PDZRN4: variants seen among roughly 807,000 people sequenced by gnomAD.
PDZRN4 encodes the protein PDZ domain-containing RING finger protein 4.
Under a neutral mutation model 99.0 loss-of-function variants are expected in PDZRN4, and 70 were observed. That is an observed-to-expected ratio of 0.71 (90% CI 0.58 to 0.86). The LOEUF (loss-of-function observed/expected upper bound fraction) is 0.86, where lower values mean the gene tolerates loss of function less well. PDZRN4 is among the 40% of genes least tolerant of loss of function. PDZRN4 has a pLI of 0.00. For synonymous variants in PDZRN4, 551 were observed against 501.6 expected (o/e 1.10, Z -1.32); for missense variants, 1,474 against 1,331.2 (o/e 1.11, Z -1.67).
chr12:41,422,231 C>T (rs1484978017), intron 3 of PDZRN4, among the ~76,000 whole-genome samples: 1 of 152,120 alleles, frequency 6.6e-6, no homozygotes, highest in Non-Finnish European at 1.5e-5. Context: ...TCAATGCACA[C>T]ATAACTTATC....
At chr12:41,354,766 C>A (rs1951914707) in intron 3 of PDZRN4, among the ~76,000 whole-genome samples, 1 of 151,952 alleles carries the variant, frequency 6.6e-6, no homozygotes, top group South Asian at 2.1e-4. Flanking sequence ...AGTTTTAACC[C>A]CATTCAATTA....
At chr12:41,384,747 C>T (rs1455059089) in intron 3 of PDZRN4, among the ~76,000 whole-genome samples, 2 of 152,114 alleles carry the variant, frequency 1.3e-5, no homozygotes, top group Non-Finnish European at 1.5e-5. Flanking sequence ...TGGAATCATG[C>T]ATCTCCTATT....
In PDZRN4 at chr12:41,467,041, G is replaced by A. The variant is rs76230871; in HGVS notation, c.844-39415G>A. On this transcript the variant is annotated intron_variant, in intron 3 of 9. Coordinates refer to ENST00000402685, the MANE Select transcript of PDZRN4 (RefSeq NM_001164595.2). ...CTGGGGTTTGGGAATGGAATGATAAGGAACACAATGAATAACTAACAAAGC... is the reference window on the plus strand; with the variant it reads ...CTGGGGTTTGGGAATGGAATGATAAAGAACACAATGAATAACTAACAAAGC... 9.3e-3 allele frequency among the ~76,000 whole-genome samples: 1,415 copies of A among 152,338 alleles called. 20 individuals are homozygous for A. The highest frequency in any genetic ancestry group is 0.031 in the African/African-American group (1,276 of 41,578).
intron 3 of PDZRN4, among the ~76,000 whole-genome samples, chr12:41,311,656 C>T (rs1346076535): frequency 2.0e-5 from 3 of 152,122 alleles, no homozygotes; most frequent in Non-Finnish European, 2.9e-5. Context: ...CATACAATGT[C>T]AAACTTCAGT....
intron 9 of PDZRN4, among the ~76,000 whole-genome samples, chr12:41,569,626 C>G: frequency 6.6e-6 from 1 of 152,180 alleles, no homozygotes. Flanking sequence ...TAGAAACTTG[C>G]AGCACAAACA....
intron 3 of PDZRN4, among the ~76,000 whole-genome samples, chr12:41,242,602 G>A (rs1014466878): frequency 5.9e-5 from 9 of 151,658 alleles, no homozygotes; most frequent in Admixed American, 3.9e-4. Context: ...ATTAAGATTA[G>A]GAAGCATTTT....
At chr12:41,536,650 T>A (rs1938752574) in intron 5 of PDZRN4, among the ~76,000 whole-genome samples, 1 of 151,866 alleles carries the variant, frequency 6.6e-6, no homozygotes, top group South Asian at 2.1e-4. Flanking sequence ...AGGATGTTGA[T>A]AATAGAAAAG....
intron 3 of PDZRN4, chr12:41,437,883 G>C: frequency 6.2e-7 from 1 of 1,613,456 alleles, no homozygotes; most frequent in Non-Finnish European, 8.5e-7. Flanking sequence ...TTCCCTTTCA[G>C]TTCACTTGCC....
intron 3 of PDZRN4, among the ~76,000 whole-genome samples, chr12:41,360,618 C>T (rs1951957198): frequency 6.6e-6 from 1 of 151,976 alleles, no homozygotes; most frequent in Non-Finnish European, 1.5e-5. Context: ...AGTTATATGG[C>T]TTATTTGGTG....
chr12:41,245,854 T>A (rs537328977), intron 3 of PDZRN4, among the ~76,000 whole-genome samples: 22 of 152,278 alleles, frequency 1.4e-4, no homozygotes, highest in Admixed American at 7.2e-4. Flanking sequence ...ATGTCACATC[T>A]GCCCTGCAAA....
At chr12:41,356,665 C>A (rs902506757) in intron 3 of PDZRN4, among the ~76,000 whole-genome samples, 2 of 151,870 alleles carry the variant, frequency 1.3e-5, no homozygotes, top group Non-Finnish European at 2.9e-5. Context: ...TACCAGTGTG[C>A]ACACTTTTGG....
intron 3 of PDZRN4, among the ~76,000 whole-genome samples, chr12:41,284,496 GAAAA>G (rs1301033126): frequency 6.6e-6 from 1 of 152,152 alleles, no homozygotes; most frequent in African/African-American, 2.4e-5. Context: ...CACAGAATTA[GAAAA>G]AACTACTTTA....
rs117476514 is a variant in PDZRN4 at position 41,484,592 on chromosome 12, C to T, written c.844-21864C>T. On this transcript the variant is annotated intron_variant, in intron 3 of 9. Coordinates refer to ENST00000402685, the MANE Select transcript of PDZRN4 (RefSeq NM_001164595.2). ...GGATATTTAACACTTGTGAATAGTA[C>T]GTGCTTTATTAATGTCAGTTATTAG... 4.2e-3 allele frequency among the ~76,000 whole-genome samples: 645 copies of T among 152,260 alleles called. 4 individuals are homozygous for T. The highest frequency in any genetic ancestry group is 7.2e-3 in the Non-Finnish European group (489 of 68,012).
intron 3 of PDZRN4, among the ~76,000 whole-genome samples, chr12:41,254,255 A>T (rs930620905): frequency 6.6e-6 from 1 of 152,210 alleles, no homozygotes; most frequent in African/African-American, 2.4e-5. Context: ...GTTATTTAGC[A>T]TAGTGAAGAT....
chr12:41,244,596 A>C (rs554490604), intron 3 of PDZRN4, among the ~76,000 whole-genome samples: 69 of 151,638 alleles, frequency 4.6e-4, no homozygotes, highest in African/African-American at 1.6e-3. Context: ...CAGGTCCAGC[A>C]GACTCCCGCC....
Position 41,573,344 on chromosome 12 carries a change from G to C in PDZRN4, c.2565G>C (p.Gln855His), listed in dbSNP as rs1396942801. 6.2e-7 allele frequency: 1 copy of C among 1,613,280 alleles called. No homozygotes were observed. The highest frequency in any genetic ancestry group is 8.5e-7 in the Non-Finnish European group (1 of 1,180,014). Residue 855 changes from glutamine to histidine, a missense_variant, in exon 10 of 10, where the codon CAG (glutamine) becomes CAC (histidine). Gln to His is a conservative substitution (Grantham distance 24). Transcript: ENST00000402685. ...AHARHYQSYM[Q>H]LIQQKSAVEY... The stretch of plus-strand genomic sequence containing the variant: ...CCCGGCATTATCAAAGCTACATGCA[G>C]TTAATTCAACAGAAATCTGCAGTCG...
intron 3 of PDZRN4, among the ~76,000 whole-genome samples, chr12:41,427,357 G>A (rs977352835): frequency 2.6e-5 from 4 of 152,080 alleles, no homozygotes; most frequent in Non-Finnish European, 5.9e-5. Context: ...TATTGAACAC[G>A]TACATGCAGC....
In PDZRN4 at chr12:41,395,328, A is replaced by C. The variant is rs1003217409; in HGVS notation, c.844-111128A>C. Among the ~76,000 whole-genome samples, 10 of 152,296 alleles carry C rather than the reference A, an allele frequency of 6.6e-5. 1 individual carries two copies. The highest frequency in any genetic ancestry group is 2.6e-4 in the Admixed American group (4 of 15,272). ...GTAATTGATATAGACATTCCTGTTT[A>C]AAAATGGGAGAAATGGGAGACATAA... On this transcript the variant is annotated intron_variant, in intron 3 of 9. Transcript: ENST00000402685.
rs1938663599 is a variant in PDZRN4 at position 41,531,620 on chromosome 12, G to A, written c.1204-21036G>A. ...CCTGTTCCCACCTAGGTCCGTGGAG[G>A]TGGAGCCCTAGCTAGGGACCACCTT... On this transcript the variant is annotated intron_variant, in intron 5 of 9. Coordinates refer to ENST00000402685, the MANE Select transcript of PDZRN4 (RefSeq NM_001164595.2). 2.0e-5 allele frequency among the ~76,000 whole-genome samples: 3 copies of A among 152,256 alleles called. No homozygotes were observed. In the South Asian group the frequency reaches 6.2e-4, roughly 32 times the overall value.
Sources: allele counts gnomAD v4.1 joint callset (sites outside exome capture counted in the v4.1 genomes callset), GRCh38; gene constraint gnomAD v4.1.1; transcripts MANE v1.5; gene names NCBI Gene and HGNC (gene_info 2026-07-23, HGNC 2026-07-21).